Variants in SPIRE2 observed in about 807,000 individuals in gnomAD.
The protein encoded by SPIRE2 is protein spire homolog 2.
In SPIRE2, 76 loss-of-function variants were observed where a neutral mutation model predicts 80.7. That is an observed-to-expected ratio of 0.94 (90% CI 0.78 to 1.14). SPIRE2 has a LOEUF of 1.14. Among genes scored for constraint, SPIRE2 ranks in the 50% most tolerant of loss-of-function variants. SPIRE2 has a pLI of 0.00. For synonymous variants in SPIRE2, 535 were observed against 432.6 expected, an observed-to-expected ratio of 1.24 and a Z score of -2.94; for missense variants, 1,196 against 1,015.3, an observed-to-expected ratio of 1.18 and a Z score of -2.42.
rs774147342 is a variant in SPIRE2, at chr16:89,850,483, G to A, written c.468G>A (p.Glu156=). ...GCTACGGGGGTCCCGAGGAGGAGGA[G>A]GAGGCCGAGGGCGTCCCCCGCAGCG... The part of the protein sequence containing the change: ...DEGYGGPEEE[E]EAEGVPRSVR... Residue 156 remains glutamate (E), a synonymous_variant, in exon 3 of 15, where the codon GAG becomes GAA. Transcript: ENST00000378247. 3.9e-6 allele frequency: 6 copies of A among 1,539,764 alleles called. No homozygotes were observed. Among genetic ancestry groups the A allele is most frequent in the African/African-American group, 2.7e-5 (2 of 73,658 alleles).
At position 89,871,212 on chromosome 16, in the gene SPIRE2, T is replaced by C. The variant is rs2041837498; in HGVS notation, c.*940T>C. On this transcript the variant is annotated 3_prime_UTR_variant, in exon 15 of 15. Coordinates refer to ENST00000378247, the MANE Select transcript of SPIRE2 (RefSeq NM_032451.2). ...TTCTGGTGCTGTCCTCACTCGCCCCTGGCCCAGAGGCTCCTGAAGATGCTG... is the reference window on the plus strand; with the variant it reads ...TTCTGGTGCTGTCCTCACTCGCCCCCGGCCCAGAGGCTCCTGAAGATGCTG... 6.6e-6 allele frequency: 1 copy of C among 152,414 alleles called. No homozygotes were observed. The highest frequency in any genetic ancestry group is 2.4e-5 in the African/African-American group (1 of 41,434). 9.4% of individuals were successfully genotyped at this position (152,414 alleles called of 1,614,324 possible). A position where few individuals can be genotyped will look rare whatever the true frequency, so the allele number is the denominator to read the frequency against.
At chr16:89,854,242 C>T (rs1212909640) in intron 3 of SPIRE2, 44 bp from the exon 4 acceptor site, 29 of 1,580,060 alleles carry the variant, frequency 1.8e-5, no homozygotes, top group Non-Finnish European at 2.5e-5. Context: ...TTGCATCTGC[C>T]ATTCTCGTAC....
intron 2 of SPIRE2, among the ~76,000 whole-genome samples, chr16:89,848,096 TTCCC>T (rs1433617240): frequency 6.6e-6 from 1 of 152,206 alleles, no homozygotes; most frequent in East Asian, 1.9e-4. Flanking sequence ...TACGCTGTCC[TTCCC>T]TGCCCTTCCC....
chr16:89,840,389 A>G (rs958477568), intron 1 of SPIRE2, among the ~76,000 whole-genome samples: 4 of 150,930 alleles, frequency 2.7e-5, no homozygotes, highest in African/African-American at 4.9e-5. Flanking sequence ...AACTGGGACT[A>G]CAGGCGCCCG....
chr16:89,853,680 G>A (rs537245169), intron 3 of SPIRE2, among the ~76,000 whole-genome samples: 40 of 152,074 alleles, frequency 2.6e-4, no homozygotes, highest in African/African-American at 8.2e-4. Context: ...TTGGGACTTC[G>A]TGACAGCAGA....
intron 14 of SPIRE2, 109 bp downstream of exon 14, chr16:89,869,791 A>G (rs2041823342): frequency 1.2e-6 from 1 of 857,744 alleles, no homozygotes; most frequent in Non-Finnish European, 1.9e-6. Flanking sequence ...GGACACCCCA[A>G]GGAAATGGAA....
At chr16:89,836,659 A>G (rs990170027) in intron 1 of SPIRE2, among the ~76,000 whole-genome samples, 10 of 152,030 alleles carry the variant, frequency 6.6e-5, no homozygotes, top group Non-Finnish European at 1.5e-5. Context: ...TCTGCTGTGA[A>G]GGTCTCACCG....
At chr16:89,867,787 G>C (rs753144742) in intron 12 of SPIRE2, among the ~76,000 whole-genome samples, 2 of 151,434 alleles carry the variant, frequency 1.3e-5, no homozygotes, top group Non-Finnish European at 2.9e-5. Context: ...GTTTCACCTT[G>C]TTGGTCAGGC....
At chr16:89,836,892 G>A (rs925463826) in intron 1 of SPIRE2, among the ~76,000 whole-genome samples, 2 of 152,134 alleles carry the variant, frequency 1.3e-5, no homozygotes, top group Non-Finnish European at 2.9e-5. Context: ...CTACTGAGGA[G>A]GATGAGGCAG....
Position 89,841,701 on chromosome 16 carries a change from AT to A in SPIRE2, c.245-3608del, listed in dbSNP as rs553416516. 6.6e-4 allele frequency among the ~76,000 whole-genome samples: 97 copies of A among 146,218 alleles called. 1 individual carries two copies. Among genetic ancestry groups the A allele is most frequent in the Middle Eastern group, 3.5e-3 (1 of 282 alleles). On this transcript the variant is annotated intron_variant, in intron 1 of 14. Transcript: ENST00000378247. ...GCGCAGATAGAGGCCACGGTAAATAATTTTTTTTTTTTTGAGATGGAGTTTT... is the reference window on the plus strand; with the variant it reads ...GCGCAGATAGAGGCCACGGTAAATAATTTTTTTTTTTTGAGATGGAGTTTT...
chr16:89,859,059 C>T (rs1240767227), intron 8 of SPIRE2, 106 bp from the exon 9 acceptor site: 11 of 1,048,828 alleles, frequency 1.0e-5, no homozygotes, highest in South Asian at 3.4e-5. Flanking sequence ...TGCCCCACAT[C>T]GCAGCAGACC....
intron 1 of SPIRE2, among the ~76,000 whole-genome samples, chr16:89,831,883 A>G (rs114289107): frequency 0.021 from 2,918 of 142,056 alleles, 146 homozygotes; most frequent in African/African-American, 0.068. Context: ...AGCCCCGCGC[A>G]CTCCCAGATG....
intron 5 of SPIRE2, among the ~76,000 whole-genome samples, chr16:89,855,303 A>T (rs966790352): frequency 6.6e-6 from 1 of 152,070 alleles, no homozygotes; most frequent in Non-Finnish European, 1.5e-5. Context: ...CATGGTTCTT[A>T]TGATGCCCCT....
At chr16:89,840,272 C>T (rs983619047) in intron 1 of SPIRE2, among the ~76,000 whole-genome samples, 23 of 134,176 alleles carry the variant, frequency 1.7e-4, no homozygotes, top group South Asian at 4.8e-4. Flanking sequence ...TTTTTTGAGA[C>T]GGAGTCTCGC....
Position 89,828,666 on chromosome 16 carries a change from A to C in SPIRE2, c.116A>C (p.Gln39Pro). 7.4e-7 allele frequency: 1 copy of C among 1,352,018 alleles called. No individual in the cohort carries two copies. The highest frequency in any genetic ancestry group is 9.6e-7 in the Non-Finnish European group (1 of 1,042,970). 83.8% of individuals were successfully genotyped at this position (1,352,018 alleles called of 1,614,324 possible). A position where few individuals can be genotyped will look rare whatever the true frequency, so the allele number is the denominator to read the frequency against. The change falls in exon 1 of 15, where the codon CAG becomes CCG. Residue 39 changes from glutamine to proline, a missense_variant. By Grantham distance (76) the Gln-to-Pro change is moderately conservative. Transcript: ENST00000378247. The surrounding 1 kb of genome is among the most constrained non-coding windows in gnomAD (Gnocchi z 5.9). ...KAYEQPLNEEQAWAVCFQGCR... is the reference protein window; with the variant it reads ...KAYEQPLNEEPAWAVCFQGCR... ...TACGAGCAGCCGCTCAACGAGGAGCAGGCGTGGGCCGTGTGCTTCCAGGGC... is the reference window on the plus strand; with the variant it reads ...TACGAGCAGCCGCTCAACGAGGAGCCGGCGTGGGCCGTGTGCTTCCAGGGC...
At chr16:89,830,859 G>C (rs1256311563) in intron 1 of SPIRE2, among the ~76,000 whole-genome samples, 1 of 149,792 alleles carries the variant, frequency 6.7e-6, no homozygotes, top group Admixed American at 6.6e-5. Context: ...AAAATGACTA[G>C]AAGAGACTTC....
At chr16:89,854,124 A>G (rs1172386828) in intron 3 of SPIRE2, among the ~76,000 whole-genome samples, 162 bp from the exon 4 acceptor site, 1 of 152,114 alleles carries the variant, frequency 6.6e-6, no homozygotes. Context: ...TTCCCCAGAT[A>G]CCTTTTCGAG....
chr16:89,845,789 C>A, intron 2 of SPIRE2: 1 of 590,560 alleles, frequency 1.7e-6, no homozygotes, highest in Non-Finnish European at 3.0e-6. Flanking sequence ...AGGGCAGGGC[C>A]TTCCTCTCCC....
intron 12 of SPIRE2, among the ~76,000 whole-genome samples, chr16:89,865,886 T>C (rs1158597866): frequency 6.8e-6 from 1 of 146,186 alleles, no homozygotes; most frequent in Non-Finnish European, 1.5e-5. Context: ...GAGAACTGCT[T>C]GAACCTGTGA....
Sources: gnomAD v4.1 joint callset for allele counts (sites outside exome capture counted in the v4.1 genomes callset) on GRCh38, gnomAD v4.1.1 for gene constraint, Gnocchi (gnomAD v3.1) non-coding constraint, MANE v1.5 for transcripts, NCBI Gene and HGNC (gene_info 2026-07-23, HGNC 2026-07-21) for gene names.